Variants in ABTB2 observed in about 807,000 individuals in gnomAD.
The protein encoded by ABTB2 is ankyrin repeat and BTB/POZ domain-containing protein 2.
Under a neutral mutation model 104.1 loss-of-function variants are expected in ABTB2, and 56 were observed. That is an observed-to-expected ratio of 0.54 (90% confidence interval 0.43 to 0.67). The LOEUF (loss-of-function observed/expected upper bound fraction) is 0.67, where lower values mean the gene tolerates loss of function less well. Among genes scored for constraint, ABTB2 ranks in the 30% least tolerant of loss-of-function variants. ABTB2 has a pLI of 0.00. For synonymous variants in ABTB2, 606 were observed against 608.2 expected, an observed-to-expected ratio of 1.00 and a Z score of 0.05; for missense variants, 1,279 against 1,407.7, an observed-to-expected ratio of 0.91 and a Z score of 1.46.
chr11:34,189,781 G>A (rs1170389785), intron 3 of ABTB2, among the ~76,000 whole-genome samples: 3 of 152,128 alleles, frequency 2.0e-5, no homozygotes, highest in Non-Finnish European at 4.4e-5. Flanking sequence ...GGTCTGCTCC[G>A]ACATGTCCCC....
intron 2 of ABTB2, among the ~76,000 whole-genome samples, chr11:34,204,289 G>A (rs954795431): frequency 6.6e-6 from 1 of 152,192 alleles, no homozygotes; most frequent in Non-Finnish European, 1.5e-5. Flanking sequence ...CTTAGCTCCC[G>A]TGGGTCACTG....
At chr11:34,259,793 T>G (rs1394050554) in intron 1 of ABTB2, among the ~76,000 whole-genome samples, 1 of 152,164 alleles carries the variant, frequency 6.6e-6, no homozygotes, top group South Asian at 2.1e-4. Context: ...CCCAGAGACC[T>G]TCCCCTAAAT....
intron 1 of ABTB2, among the ~76,000 whole-genome samples, chr11:34,223,709 C>T (rs1000506295): frequency 2.6e-5 from 4 of 152,202 alleles, no homozygotes; most frequent in Admixed American, 6.5e-5. Context: ...AGCCTCATTA[C>T]TCAAATTGCT....
chr11:34,199,556 T>C (rs1356604734), intron 2 of ABTB2, among the ~76,000 whole-genome samples: 1 of 152,214 alleles, frequency 6.6e-6, no homozygotes, highest in African/African-American at 2.4e-5. Flanking sequence ...AACTGATAGA[T>C]TGATTCAAGT....
At chr11:34,248,096 TAAAAAAAAAAAAAAAAAAAA>T (rs1157412906) in intron 1 of ABTB2, among the ~76,000 whole-genome samples, 1 of 116,234 alleles carries the variant, frequency 8.6e-6, no homozygotes. Context: ...TAATTTTTCT[TAAAAAAAAAAAAAAAAAAAA>T]AAAAAACAGG....
rs200869255 is a variant in ABTB2, at chr11:34,159,392, G to A, written c.2607-6C>T. On this transcript the variant is annotated splice_region_variant and splice_polypyrimidine_tract_variant and intron_variant, in intron 13 of 16. Transcript: ENST00000435224. ...TGGTCATTAGTGTCTTGAACCTGGA[G>A]CAAAGGAGACAAAGCAAGGTGGGTT... 198 of 1,607,870 alleles carry A rather than the reference G, an allele frequency of 1.2e-4. No individual in the cohort carries two copies. The highest frequency in any genetic ancestry group is 1.6e-4 in the Non-Finnish European group (192 of 1,174,512).
chr11:34,224,002 C>T (rs1389330265), intron 1 of ABTB2, among the ~76,000 whole-genome samples: 1 of 152,120 alleles, frequency 6.6e-6, no homozygotes, highest in Non-Finnish European at 1.5e-5. Flanking sequence ...CTGAGTGGTT[C>T]AGAAGAGACT....
At chr11:34,281,668 C>T (rs951633243) in intron 1 of ABTB2, among the ~76,000 whole-genome samples, 1 of 152,332 alleles carries the variant, frequency 6.6e-6, no homozygotes, top group East Asian at 1.9e-4. Flanking sequence ...GCTGCACCAC[C>T]GAGTTCCAGT....
intron 13 of ABTB2, 123 bp downstream of exon 13, chr11:34,159,783 C>T: frequency 1.3e-6 from 1 of 768,290 alleles, no homozygotes; most frequent in South Asian, 1.7e-5. Context: ...TGCAATGTGA[C>T]TGCAGTCTGA....
At chr11:34,336,978 G>A (rs1043923242) in intron 1 of ABTB2, among the ~76,000 whole-genome samples, 6 of 152,110 alleles carry the variant, frequency 3.9e-5, no homozygotes, top group Non-Finnish European at 5.9e-5. Context: ...CTGAGGCACC[G>A]AGATATGAAG....
At chr11:34,334,483 C>A (rs1304455230) in intron 1 of ABTB2, among the ~76,000 whole-genome samples, 1 of 152,084 alleles carries the variant, frequency 6.6e-6, no homozygotes, top group African/African-American at 2.4e-5. Context: ...TATTGAGAAC[C>A]CACTAATTTT....
chr11:34,256,799 C>A (rs1052239521), intron 1 of ABTB2, among the ~76,000 whole-genome samples: 2 of 152,170 alleles, frequency 1.3e-5, no homozygotes, highest in Non-Finnish European at 2.9e-5. Context: ...CCGGAGGGGA[C>A]GGACGGAGAG....
intron 8 of ABTB2, 45 bp downstream of exon 8, chr11:34,165,215 A>C: frequency 2.0e-6 from 3 of 1,480,938 alleles, no homozygotes; most frequent in Non-Finnish European, 2.7e-6. Flanking sequence ...GCTGGGGGGC[A>C]CTGCAGGGAA....
chr11:34,174,532 C>G (rs2133019022), intron 3 of ABTB2, among the ~76,000 whole-genome samples: 1 of 152,344 alleles, frequency 6.6e-6, no homozygotes, highest in South Asian at 2.1e-4. Context: ...ACAGCCTGTG[C>G]TGGGCCCTGA....
intron 1 of ABTB2, among the ~76,000 whole-genome samples, chr11:34,265,471 A>T (rs1041155489): frequency 6.6e-6 from 1 of 151,634 alleles, no homozygotes; most frequent in East Asian, 1.9e-4. Flanking sequence ...GACCAGTCTG[A>T]TCAACATGGA....
chr11:34,305,246 T>C (rs1373477756), intron 1 of ABTB2, among the ~76,000 whole-genome samples: 1 of 152,216 alleles, frequency 6.6e-6, no homozygotes, highest in Non-Finnish European at 1.5e-5. Flanking sequence ...TGAGAGACCT[T>C]GTGCATGCCA....
intron 1 of ABTB2, among the ~76,000 whole-genome samples, chr11:34,328,339 G>A (rs1270229512): frequency 6.6e-6 from 1 of 152,150 alleles, no homozygotes; most frequent in African/African-American, 2.4e-5. Flanking sequence ...CCACAGCATC[G>A]GAGTGAGGGA....
At chr11:34,212,979 C>G (rs1853501681) in intron 1 of ABTB2, among the ~76,000 whole-genome samples, 1 of 152,226 alleles carries the variant, frequency 6.6e-6, no homozygotes, top group Non-Finnish European at 1.5e-5. Flanking sequence ...CCCAATTTTC[C>G]TAAAAAAGAG....
chr11:34,272,731 AC>A (rs1565156130), intron 1 of ABTB2, among the ~76,000 whole-genome samples: 28 of 141,814 alleles, frequency 2.0e-4, no homozygotes, highest in African/African-American at 3.4e-4. Flanking sequence ...AAAAAAAAAA[AC>A]CAACCAACCA....
Sources: allele counts gnomAD v4.1 joint callset (sites outside exome capture counted in the v4.1 genomes callset), GRCh38; gene constraint gnomAD v4.1.1; transcripts MANE v1.5; gene names NCBI Gene and HGNC (gene_info 2026-07-23, HGNC 2026-07-21).